Variants in ADAMTS18 observed in about 807,000 individuals in gnomAD.
ADAMTS18 encodes A disintegrin and metalloproteinase with thrombospondin motifs 18.
A neutral mutation model predicts 165.9 loss-of-function variants in ADAMTS18; 157 were observed. That is an observed-to-expected ratio of 0.95 (90% CI 0.83 to 1.08). The LOEUF (loss-of-function observed/expected upper bound fraction) is 1.08. ADAMTS18 is among the 50% of genes least tolerant of loss of function. The pLI is 0.00. For synonymous variants in ADAMTS18, 782 were observed against 578.2 expected (o/e 1.35, Z -5.06); for missense variants, 2,040 against 1,534.0 (o/e 1.33, Z -5.51).
At chr16:77,410,789 G>C (rs972644744) in intron 3 of ADAMTS18, among the ~76,000 whole-genome samples, 1 of 152,072 alleles carries the variant, frequency 6.6e-6, no homozygotes, top group South Asian at 2.1e-4. Flanking sequence ...GCTGGACCCA[G>C]ACCCAGGACT....
At chr16:77,409,917 A>T (rs775653414) in intron 3 of ADAMTS18, among the ~76,000 whole-genome samples, 1 of 152,126 alleles carries the variant, frequency 6.6e-6, no homozygotes, top group Non-Finnish European at 1.5e-5. Context: ...TCCTGCTAAT[A>T]TTACCGTACT....
rs138213400 is a variant in ADAMTS18 at position 77,429,231 on chromosome 16, T to C, written c.495+2064A>G. On this transcript the variant is annotated intron_variant, in intron 3 of 22. Transcript: ENST00000282849. ...GTGGATGAAGAAAATGTGGTACATATACACCATGGAATACTATGCAACCAT... is the reference window on the plus strand; with the variant it reads ...GTGGATGAAGAAAATGTGGTACATACACACCATGGAATACTATGCAACCAT... Among the ~76,000 whole-genome samples the C allele has an allele frequency of 2.2e-3, 341 of 152,296 alleles. No homozygotes were observed. The Middle Eastern group carries it at 0.031, about 14-fold the overall frequency.
intron 3 of ADAMTS18, among the ~76,000 whole-genome samples, chr16:77,388,572 A>G (rs1210009896): frequency 2.0e-5 from 3 of 152,196 alleles, no homozygotes; most frequent in Non-Finnish European, 2.9e-5. Context: ...GCCTCAGTTT[A>G]TTGAACACAG....
chr16:77,309,100 T>C (rs2055733327), intron 16 of ADAMTS18, among the ~76,000 whole-genome samples: 1 of 152,196 alleles, frequency 6.6e-6, no homozygotes, highest in Admixed American at 6.5e-5. Flanking sequence ...AGAAAATAAG[T>C]TGAAATACAT....
rs754596588 is a variant in ADAMTS18, at chr16:77,283,023, A to G, written c.*933T>C. ...TTTCCAAGCAGCTCTGGTAGTATGT[A>G]CAGAGCATTATAAATGATGGTCCTT... On this transcript the variant is annotated 3_prime_UTR_variant, in exon 23 of 23. Coordinates refer to ENST00000282849, the MANE Select transcript of ADAMTS18 (RefSeq NM_199355.4). 6.6e-6 allele frequency: 1 copy of G among 151,154 alleles called. No individual in the cohort carries two copies. The highest frequency in any genetic ancestry group is 1.5e-5 in the Non-Finnish European group (1 of 67,924). The allele number at this position is 151,154 out of a possible 1,614,324, so 9.4% of individuals were successfully genotyped here. A position where few individuals can be genotyped will look rare whatever the true frequency, so the allele number is the denominator to read the frequency against.
chr16:77,286,860 C>A (rs967899622), intron 22 of ADAMTS18, among the ~76,000 whole-genome samples: 2 of 152,140 alleles, frequency 1.3e-5, no homozygotes, highest in South Asian at 4.1e-4. Flanking sequence ...TCTCTCTTTT[C>A]TGAAGAGAAT....
chr16:77,361,225 A>G (rs949542932), intron 7 of ADAMTS18, among the ~76,000 whole-genome samples: 5 of 152,226 alleles, frequency 3.3e-5, no homozygotes, highest in African/African-American at 1.2e-4. Flanking sequence ...ATAGCTTAAC[A>G]TATTGACTGT....
In ADAMTS18 at chr16:77,293,070, C is replaced by G. The variant is rs767283285; in HGVS notation, c.3189+6G>C. 1.5e-5 allele frequency: 24 copies of G among 1,613,906 alleles called. No individual in the cohort carries two copies. In the South Asian group the frequency reaches 1.9e-4, roughly 13 times the overall value. ...TCCTGACCCAGCAGTGACTTCTAAT[C>G]CATACCTCGCTCCACGAAGAAGCGA... On this transcript the variant is annotated splice_donor_region_variant and intron_variant, in intron 20 of 22. Transcript: ENST00000282849.
chr16:77,392,981 G>A (rs2144793180), intron 3 of ADAMTS18, among the ~76,000 whole-genome samples: 1 of 152,164 alleles, frequency 6.6e-6, no homozygotes, highest in South Asian at 2.1e-4. Flanking sequence ...GGAAAATGTA[G>A]GCAGTAAAGA....
chr16:77,423,926 T>A (rs2057637212), intron 3 of ADAMTS18, among the ~76,000 whole-genome samples: 1 of 152,160 alleles, frequency 6.6e-6, no homozygotes, highest in Admixed American at 6.5e-5. Flanking sequence ...TATGTGTGTG[T>A]TGTGGGTGAC....
intron 3 of ADAMTS18, among the ~76,000 whole-genome samples, chr16:77,371,848 G>A (rs1432473247): frequency 1.3e-5 from 2 of 152,086 alleles, no homozygotes; most frequent in African/African-American, 4.8e-5. Flanking sequence ...CACAGATGGA[G>A]AAAATATTTG....
rs546859463 is a variant in ADAMTS18, at chr16:77,400,559, G to A, written c.495+30736C>T. Among the ~76,000 whole-genome samples the A allele has an allele frequency of 5.4e-4, 82 of 150,560 alleles. 2 individuals are homozygous for A. In the South Asian group the frequency reaches 0.016, roughly 29 times the overall value. On this transcript the variant is annotated intron_variant, in intron 3 of 22. Coordinates refer to ENST00000282849, the MANE Select transcript of ADAMTS18 (RefSeq NM_199355.4). ...CGCAGTGGTGCAATCTCAGCTCACTGCAAGCTCCGCCTCCCGGGTTCACGC... is the reference window on the plus strand; with the variant it reads ...CGCAGTGGTGCAATCTCAGCTCACTACAAGCTCCGCCTCCCGGGTTCACGC...
At chr16:77,401,109 G>T (rs1315870260) in intron 3 of ADAMTS18, among the ~76,000 whole-genome samples, 1 of 152,026 alleles carries the variant, frequency 6.6e-6, no homozygotes, top group Non-Finnish European at 1.5e-5. Flanking sequence ...TACAAAATTA[G>T]CCAGGCGTGG....
chr16:77,421,560 G>A (rs759600267), intron 3 of ADAMTS18, among the ~76,000 whole-genome samples: 1 of 152,232 alleles, frequency 6.6e-6, no homozygotes, highest in South Asian at 2.1e-4. Flanking sequence ...CTTCTGGAGA[G>A]AACTTTCTAA....
At chr16:77,398,899 G>A (rs2057292507) in intron 3 of ADAMTS18, among the ~76,000 whole-genome samples, 1 of 152,158 alleles carries the variant, frequency 6.6e-6, no homozygotes, top group South Asian at 2.1e-4. Flanking sequence ...ATGTTTGGGT[G>A]GGATGAGAAA....
Position 77,367,599 on chromosome 16 carries a change from G to A in ADAMTS18, c.620C>T (p.Ala207Val), listed in dbSNP as rs1446626717. ...ACGGTACCGCTGGATCTTCTCCTCT[G>A]CTGTCCTTTTGTACAGTACGTGAGG... ...HHPHVLYKRT[A>V]EEKIQRYRGY... The change falls in exon 4 of 23, where the codon GCA (alanine) becomes GTA (valine). Residue 207 changes from alanine to valine, a missense_variant. By Grantham distance (64) the Ala-to-Val change is moderately conservative. Transcript: ENST00000282849. The A allele has an allele frequency of 2.5e-6, 4 of 1,614,220 alleles. No individual in the cohort carries two copies. Among genetic ancestry groups the A allele is most frequent in the African/African-American group, 1.3e-5 (1 of 75,060 alleles).
chr16:77,427,476 C>T (rs150705058), intron 3 of ADAMTS18, among the ~76,000 whole-genome samples: 2 of 152,222 alleles, frequency 1.3e-5, no homozygotes, highest in Non-Finnish European at 2.9e-5. Context: ...CAGAGGGAGG[C>T]TGGATATAGT....
intron 7 of ADAMTS18, 28 bp from the exon 8 acceptor site, chr16:77,359,451 A>C (rs984053084): frequency 1.3e-5 from 20 of 1,589,340 alleles, no homozygotes; most frequent in Non-Finnish European, 1.7e-5. Context: ...TCAAATGTGA[A>C]TCCAAAGGTT....
intron 3 of ADAMTS18, among the ~76,000 whole-genome samples, chr16:77,402,250 T>C (rs1022034572): frequency 1.3e-5 from 2 of 152,220 alleles, no homozygotes; most frequent in Non-Finnish European, 1.5e-5. Context: ...CTAAGTTTCC[T>C]GCTGCAGCAC....
Sources: allele counts gnomAD v4.1 joint callset (sites outside exome capture counted in the v4.1 genomes callset), GRCh38; gene constraint gnomAD v4.1.1; transcripts MANE v1.5; gene names NCBI Gene and HGNC (gene_info 2026-07-23, HGNC 2026-07-21).